The following ZBTB20 variants were observed in gnomAD, a reference collection of about 807,000 sequenced individuals.
ZBTB20 encodes zinc finger and BTB domain-containing protein 20.
ZBTB20 carries 9 observed loss-of-function variants against 56.9 expected under a neutral mutation model. That is an observed-to-expected ratio of 0.16 (90% CI 0.10 to 0.28). The LOEUF (loss-of-function observed/expected upper bound fraction) is 0.28, where lower values mean the gene tolerates loss of function less well. ZBTB20 is among the 10% of genes least tolerant of loss of function. ZBTB20 has a pLI of 1.00. For synonymous variants in ZBTB20, 417 were observed against 420.7 expected (o/e 0.99, Z 0.11); for missense variants, 655 against 1,003.0 (o/e 0.65, Z 4.69).
chr3:114,689,013 G>A (rs1225968613), intron 6 of ZBTB20, among the ~76,000 whole-genome samples: 1 of 152,126 alleles, frequency 6.6e-6, no homozygotes, highest in African/African-American at 2.4e-5. Context: ...TAAGAAGAAA[G>A]TATTCTCTAG....
intron 6 of ZBTB20, among the ~76,000 whole-genome samples, chr3:114,547,955 C>T (rs1272928269): frequency 6.6e-6 from 1 of 152,146 alleles, no homozygotes; most frequent in African/African-American, 2.4e-5. Context: ...GATATGCCAC[C>T]TTGACACAAT....
At chr3:114,551,718 TATC>T (rs950770326) in intron 6 of ZBTB20, among the ~76,000 whole-genome samples, 1 of 152,222 alleles carries the variant, frequency 6.6e-6, no homozygotes, top group African/African-American at 2.4e-5. Context: ...AGTTGCCACT[TATC>T]ATATGTTCAA....
chr3:114,842,476 G>T (rs1027411554), intron 4 of ZBTB20, among the ~76,000 whole-genome samples: 1 of 151,846 alleles, frequency 6.6e-6, no homozygotes, highest in Non-Finnish European at 1.5e-5. Context: ...TGTGGATATG[G>T]AAATTAACAA....
intron 3 of ZBTB20, among the ~76,000 whole-genome samples, chr3:114,972,251 T>C (rs1009228088): frequency 1.3e-5 from 2 of 152,200 alleles, no homozygotes; most frequent in Non-Finnish European, 2.9e-5. Flanking sequence ...TGACAGTATA[T>C]ATTGTGGGTC....
At chr3:114,753,131 A>G (rs1410971175) in intron 5 of ZBTB20, among the ~76,000 whole-genome samples, 1 of 151,640 alleles carries the variant, frequency 6.6e-6, no homozygotes, top group Non-Finnish European at 1.5e-5. Flanking sequence ...ACACACACAC[A>G]CATACATACA....
chr3:114,668,890 T>G (rs2061204004), intron 6 of ZBTB20, among the ~76,000 whole-genome samples: 1 of 152,080 alleles, frequency 6.6e-6, no homozygotes, highest in South Asian at 2.1e-4. Flanking sequence ...CATAGTTCTA[T>G]GGAAGAAATT....
intron 1 of ZBTB20, among the ~76,000 whole-genome samples, chr3:115,094,590 A>T (rs2083311506): frequency 6.6e-6 from 1 of 151,466 alleles, no homozygotes; most frequent in South Asian, 2.1e-4. Flanking sequence ...GAACAAACTG[A>T]CAACATTAAT....
chr3:114,746,064 C>T (rs58708013), intron 5 of ZBTB20, among the ~76,000 whole-genome samples: 2,369 of 152,230 alleles, frequency 0.016, 68 homozygotes, highest in African/African-American at 0.054. Context: ...AAACCATGTG[C>T]GGTTCATCCT....
At chr3:114,599,841 A>G (rs2056622169) in intron 6 of ZBTB20, among the ~76,000 whole-genome samples, 3 of 152,014 alleles carry the variant, frequency 2.0e-5, no homozygotes, top group Non-Finnish European at 2.9e-5. Flanking sequence ...CCTTAAGATT[A>G]TTATCTAGAT....
intron 1 of ZBTB20, among the ~76,000 whole-genome samples, chr3:115,121,845 A>G (rs2084189751): frequency 6.6e-6 from 1 of 152,020 alleles, no homozygotes; most frequent in Non-Finnish European, 1.5e-5. Flanking sequence ...GTCTTAGTTT[A>G]TTCTTAAAGC....
At chr3:114,580,074 G>C (rs2054489829) in intron 6 of ZBTB20, among the ~76,000 whole-genome samples, 1 of 151,508 alleles carries the variant, frequency 6.6e-6, no homozygotes, top group Non-Finnish European at 1.5e-5. Flanking sequence ...TAACAGTTAA[G>C]AAAATAAAAT....
At chr3:114,481,025 A>C (rs950206532) in intron 7 of ZBTB20, among the ~76,000 whole-genome samples, 2 of 152,204 alleles carry the variant, frequency 1.3e-5, no homozygotes, top group African/African-American at 4.8e-5. Context: ...GTTTTAAAAA[A>C]ATAGCAAAAT....
intron 3 of ZBTB20, among the ~76,000 whole-genome samples, chr3:114,903,033 G>A (rs2075182706): frequency 6.6e-6 from 1 of 152,154 alleles, no homozygotes; most frequent in Admixed American, 6.6e-5. Context: ...GTCAATCTGT[G>A]TGAAGTGGTG....
intron 3 of ZBTB20, among the ~76,000 whole-genome samples, chr3:114,902,175 T>C (rs2075146211): frequency 1.3e-5 from 2 of 152,212 alleles, no homozygotes; most frequent in African/African-American, 4.8e-5. Flanking sequence ...AGTAATTCAA[T>C]AACACATTTT....
intron 1 of ZBTB20, among the ~76,000 whole-genome samples, chr3:115,088,784 T>A (rs188352779): frequency 1.8e-4 from 27 of 151,936 alleles, no homozygotes; most frequent in African/African-American, 5.3e-4. Flanking sequence ...GCATTGATGC[T>A]GTTAACACTT....
chr3:114,418,605 A>G (rs1379511525), intron 7 of ZBTB20, among the ~76,000 whole-genome samples: 1 of 151,716 alleles, frequency 6.6e-6, no homozygotes, highest in East Asian at 1.9e-4. Context: ...AAAATCAAGC[A>G]GTGAGAACAG....
intron 4 of ZBTB20, among the ~76,000 whole-genome samples, chr3:114,860,582 A>G (rs1022561252): frequency 4.6e-5 from 7 of 152,228 alleles, no homozygotes; most frequent in Non-Finnish European, 1.0e-4. Flanking sequence ...TGCATCTTAC[A>G]TGGTCAGTTA....
intron 6 of ZBTB20, among the ~76,000 whole-genome samples, chr3:114,600,073 T>C (rs1220261496): frequency 1.3e-5 from 2 of 152,072 alleles, no homozygotes; most frequent in Non-Finnish European, 1.5e-5. Context: ...GTTGAGATAA[T>C]ATAAGTGAAA....
chr3:114,680,856 A>C (rs1488468618), intron 6 of ZBTB20, among the ~76,000 whole-genome samples: 2 of 152,202 alleles, frequency 1.3e-5, no homozygotes, highest in Non-Finnish European at 2.9e-5. Context: ...CCAGCTTACA[A>C]CTTAGCAGCA....
Sources: gnomAD v4.1 joint callset for allele counts (sites outside exome capture counted in the v4.1 genomes callset) on GRCh38, gnomAD v4.1.1 for gene constraint, MANE v1.5 for transcripts, NCBI Gene and HGNC (gene_info 2026-07-23, HGNC 2026-07-21) for gene names.